The following PACSIN2 variants were observed in gnomAD, a reference collection of about 807,000 sequenced individuals.
The protein encoded by PACSIN2 is protein kinase C and casein kinase substrate in neurons 2, also known as protein kinase C and casein kinase substrate in neurons protein 2.
In PACSIN2, 25 loss-of-function variants were observed where a neutral mutation model predicts 63.8. That is an observed-to-expected ratio of 0.39 (90% CI 0.29 to 0.55). The LOEUF is 0.55. PACSIN2 is among the 20% of genes least tolerant of loss of function. The probability of loss-of-function intolerance (pLI) is 0.62; values close to 1 mark genes in which losing one functional copy is unlikely to be tolerated. For synonymous variants in PACSIN2, 255 were observed against 256.2 expected, an observed-to-expected ratio of 1.00 and a Z score of 0.05; for missense variants, 518 against 646.9, an observed-to-expected ratio of 0.80 and a Z score of 2.16.
intron 1 of PACSIN2, among the ~76,000 whole-genome samples, chr22:43,013,581 G>A (rs541061306): frequency 1.3e-5 from 2 of 152,312 alleles, no homozygotes; most frequent in South Asian, 4.1e-4. Flanking sequence ...GAACAGGAGG[G>A]CTGGCATTCA....
At chr22:43,005,060 CTAAAAG>C (rs771257538) in intron 1 of PACSIN2, among the ~76,000 whole-genome samples, 1 of 152,218 alleles carries the variant, frequency 6.6e-6, no homozygotes, top group Non-Finnish European at 1.5e-5. Context: ...AAACATTAAT[CTAAAAG>C]TAAAAGGGCA....
chr22:42,922,601 G>A (rs1932267526), intron 1 of PACSIN2, among the ~76,000 whole-genome samples: 1 of 152,230 alleles, frequency 6.6e-6, no homozygotes, highest in Non-Finnish European at 1.5e-5. Flanking sequence ...CTGACCTGCA[G>A]CTCGTTTCCT....
chr22:42,995,817 G>A (rs536333825), intron 1 of PACSIN2, among the ~76,000 whole-genome samples: 8 of 152,160 alleles, frequency 5.3e-5, no homozygotes, highest in South Asian at 4.2e-4. Context: ...TAATCCCAGC[G>A]CTCTGGGAAG....
At chr22:42,955,825 C>T (rs539125139) in intron 1 of PACSIN2, among the ~76,000 whole-genome samples, 34 of 152,314 alleles carry the variant, frequency 2.2e-4, no homozygotes, top group African/African-American at 7.9e-4. Context: ...TCAATAGATA[C>T]TGGTGATCAG....
At chr22:42,965,490 C>A (rs542019803) in intron 1 of PACSIN2, among the ~76,000 whole-genome samples, 154 of 152,308 alleles carry the variant, frequency 1.0e-3, no homozygotes, top group African/African-American at 3.4e-3. Context: ...AAGCCCCCAG[C>A]AGAAGTCTAG....
At chr22:42,882,382 C>A (rs945287397) in intron 6 of PACSIN2, 78 bp from the exon 7 acceptor site, 1 of 1,501,154 alleles carries the variant, frequency 6.7e-7, no homozygotes, top group South Asian at 1.3e-5. Flanking sequence ...CCAGCCACAG[C>A]AGGTCCCGTG....
intron 1 of PACSIN2, among the ~76,000 whole-genome samples, chr22:42,936,722 C>G (rs1226339697): frequency 6.6e-6 from 1 of 152,086 alleles, no homozygotes; most frequent in Non-Finnish European, 1.5e-5. Context: ...ACCAGCCTGG[C>G]CAACATGGTG....
chr22:43,006,299 C>A (rs1056842195), intron 1 of PACSIN2, among the ~76,000 whole-genome samples: 2 of 152,152 alleles, frequency 1.3e-5, no homozygotes, highest in Non-Finnish European at 2.9e-5. Flanking sequence ...GTTATAGCAG[C>A]CCCAACTGAC....
chr22:42,978,421 G>T (rs1921855295), intron 1 of PACSIN2, among the ~76,000 whole-genome samples: 1 of 152,156 alleles, frequency 6.6e-6, no homozygotes, highest in African/African-American at 2.4e-5. Flanking sequence ...GAAAATATCA[G>T]TCTTCGTTTA....
At chr22:42,974,185 T>C (rs1921521179) in intron 1 of PACSIN2, among the ~76,000 whole-genome samples, 1 of 152,180 alleles carries the variant, frequency 6.6e-6, no homozygotes, top group African/African-American at 2.4e-5. Flanking sequence ...CGACTCTGCT[T>C]CCGGTTATCC....
At chr22:42,939,954 T>C (rs987765263) in intron 1 of PACSIN2, among the ~76,000 whole-genome samples, 3 of 152,228 alleles carry the variant, frequency 2.0e-5, no homozygotes, top group African/African-American at 7.2e-5. Context: ...AATCGGCGTC[T>C]ACCCGGCCTT....
At chr22:42,891,979 A>G (rs1420877532) in intron 3 of PACSIN2, among the ~76,000 whole-genome samples, 1 of 152,190 alleles carries the variant, frequency 6.6e-6, no homozygotes, top group Non-Finnish European at 1.5e-5. Context: ...TCTGAGCACA[A>G]GCTTGAGAAC....
At chr22:42,884,841 G>A (rs532710552) in intron 5 of PACSIN2, among the ~76,000 whole-genome samples, 5 of 152,318 alleles carry the variant, frequency 3.3e-5, no homozygotes, top group South Asian at 4.1e-4. Flanking sequence ...GGTCTTGAGC[G>A]TGCCACACGC....
chr22:42,920,333 G>A (rs1241866836), intron 1 of PACSIN2, among the ~76,000 whole-genome samples: 1 of 152,122 alleles, frequency 6.6e-6, no homozygotes, highest in Non-Finnish European at 1.5e-5. Context: ...ATTCCAACAA[G>A]TGATTTTGAA....
chr22:43,012,973 G>T (rs1924602315), intron 1 of PACSIN2, among the ~76,000 whole-genome samples: 4 of 151,938 alleles, frequency 2.6e-5, no homozygotes, highest in African/African-American at 9.7e-5. Flanking sequence ...TGTATCTTTA[G>T]TAGAGACGGG....
intron 2 of PACSIN2, among the ~76,000 whole-genome samples, chr22:42,899,986 T>C (rs1028042135): frequency 8.6e-5 from 13 of 152,006 alleles, no homozygotes; most frequent in Admixed American, 8.5e-4. Flanking sequence ...GGTGGAGAAA[T>C]AGAGACAGGA....
chr22:42,889,162 G>A (rs1021355811), intron 4 of PACSIN2, among the ~76,000 whole-genome samples: 2 of 152,092 alleles, frequency 1.3e-5, no homozygotes, highest in African/African-American at 4.8e-5. Context: ...TGGGGTGGGT[G>A]GAGAAAGCCA....
At chr22:42,899,500 G>A (rs1208198400) in intron 2 of PACSIN2, among the ~76,000 whole-genome samples, 1 of 152,196 alleles carries the variant, frequency 6.6e-6, no homozygotes, top group South Asian at 2.1e-4. Flanking sequence ...CAGCAAGGCA[G>A]CTCTACGCCT....
rs76529580 is a variant in PACSIN2, at chr22:43,010,248, T to C, written c.-78+4773A>G. Among the ~76,000 whole-genome samples, 646 of 151,530 alleles carry C rather than the reference T, an allele frequency of 4.3e-3. 3 individuals are homozygous for C. The highest frequency in any genetic ancestry group is 0.015 in the African/African-American group (609 of 41,322). On this transcript the variant is annotated intron_variant, in intron 1 of 10. Transcript: ENST00000263246. ...AAACACGCAAATGATTTTTTTAGGA[T>C]TGAAAATAGGCCAGGTGTGGTAGCT...
Sources: allele counts gnomAD v4.1 joint callset (sites outside exome capture counted in the v4.1 genomes callset), GRCh38; gene constraint gnomAD v4.1.1; transcripts MANE v1.5; gene names NCBI Gene and HGNC (gene_info 2026-07-23, HGNC 2026-07-21).